TWIST2: variants seen among roughly 807,000 people sequenced by gnomAD.
TWIST2 encodes twist family bHLH transcription factor 2.
A neutral mutation model predicts 11.6 loss-of-function variants in TWIST2; 1 was observed. That is an observed-to-expected ratio of 0.09 (90% CI 0.03 to 0.41). The LOEUF is 0.41. TWIST2 is among the 10% of genes least tolerant of loss of function. TWIST2 has a pLI of 0.98. For missense variants in TWIST2, 168 were observed against 226.4 expected (o/e 0.74, Z 1.66); for synonymous variants, 87 against 96.6 (o/e 0.90, Z 0.58).
chr2:238,869,980 G>A (rs1482594157), intron 1 of TWIST2, among the ~76,000 whole-genome samples: 1 of 151,988 alleles, frequency 6.6e-6, no homozygotes, highest in African/African-American at 2.4e-5. Context: ...TGGTGAGGAT[G>A]TGGAGAAATT....
At position 238,849,154 on chromosome 2, in the gene TWIST2, C is replaced by G. The variant is rs868367264; in HGVS notation, c.*35+421C>G. ...CGTCCGCCGCAGCGCAGGCCGCCCG[C>G]GAAGCTGCCCGAGCCGGGTGTTGCC... On this transcript the variant is annotated intron_variant, in intron 1 of 1. Coordinates refer to ENST00000612363, the MANE Select transcript of TWIST2 (RefSeq NM_001271893.4). Among the ~76,000 whole-genome samples, 13 of 152,242 alleles carry G rather than the reference C, an allele frequency of 8.5e-5. No homozygotes were observed. In the Middle Eastern group the frequency reaches 0.014, roughly 159 times the overall value.
intron 1 of TWIST2, among the ~76,000 whole-genome samples, chr2:238,908,299 A>T (rs1474409778): frequency 6.8e-6 from 1 of 146,334 alleles, no homozygotes; most frequent in Non-Finnish European, 1.5e-5. Flanking sequence ...CACACACTTC[A>T]CACTGTACAT....
In TWIST2 at chr2:238,848,356, G is replaced by T; in HGVS notation, c.141G>T (p.Pro47=). ...KKSSEDGSPT[P]GKRGKKGSPS... ...CGAGCGAAGATGGCAGCCCGACCCC[G>T]GGCAAGCGCGGCAAGAAGGGCAGCC... The change falls in exon 1 of 2, where the codon CCG becomes CCT. Residue 47 remains proline, a synonymous_variant. Transcript: ENST00000612363. The T allele has an allele frequency of 2.6e-6, 4 of 1,534,628 alleles. No individual in the cohort carries two copies. The highest frequency in any genetic ancestry group is 3.5e-6 in the Non-Finnish European group (4 of 1,145,976).
chr2:238,893,368 C>T (rs1693171166), intron 1 of TWIST2, among the ~76,000 whole-genome samples: 1 of 152,148 alleles, frequency 6.6e-6, no homozygotes, highest in Non-Finnish European at 1.5e-5. Flanking sequence ...ACAGATATGG[C>T]TTATGGTCAG....
chr2:238,868,530 G>A (rs966657606), intron 1 of TWIST2, among the ~76,000 whole-genome samples: 15 of 152,280 alleles, frequency 9.9e-5, no homozygotes, highest in Admixed American at 3.9e-4. Context: ...CCCATTCCAC[G>A]TCCCTACATC....
At chr2:238,887,668 A>C (rs1057314748) in intron 1 of TWIST2, among the ~76,000 whole-genome samples, 1 of 152,176 alleles carries the variant, frequency 6.6e-6, no homozygotes, top group Non-Finnish European at 1.5e-5. Flanking sequence ...GCCTCGGTGC[A>C]GCTTCCAGGC....
Position 238,899,114 on chromosome 2 carries a change from C to T in TWIST2, c.*36-10728C>T, listed in dbSNP as rs966143661. Among the ~76,000 whole-genome samples the T allele has an allele frequency of 3.7e-4, 56 of 152,370 alleles. No homozygotes were observed. The South Asian group carries it at 4.6e-3, about 12-fold the overall frequency. The stretch of plus-strand genomic sequence containing the variant: ...TTTACAGCCCTGTCCATCATCTATC[C>T]GGTCCTGGCCTCGGCCTGCCAAGCC... On this transcript the variant is annotated intron_variant, in intron 1 of 1. Transcript: ENST00000612363.
intron 1 of TWIST2, among the ~76,000 whole-genome samples, chr2:238,860,901 G>A (rs966395297): frequency 6.6e-6 from 1 of 152,146 alleles, no homozygotes; most frequent in Non-Finnish European, 1.5e-5. Flanking sequence ...TCGCGCCACT[G>A]CCCTCCAGCC....
intron 1 of TWIST2, among the ~76,000 whole-genome samples, chr2:238,849,913 T>C (rs902078436): frequency 1.3e-5 from 2 of 152,208 alleles, no homozygotes; most frequent in Non-Finnish European, 2.9e-5. Flanking sequence ...CCCCTTAGTA[T>C]GTTTTAGTTC....
intron 1 of TWIST2, among the ~76,000 whole-genome samples, chr2:238,903,554 T>A (rs1693306324): frequency 1.4e-5 from 2 of 142,414 alleles, no homozygotes; most frequent in African/African-American, 5.4e-5. Context: ...GGTTGTGGGA[T>A]GTGTGATGTA....
chr2:238,897,265 G>A (rs1233300798), intron 1 of TWIST2, among the ~76,000 whole-genome samples: 1 of 152,136 alleles, frequency 6.6e-6, no homozygotes, highest in East Asian at 1.9e-4. Flanking sequence ...GACTAAGCGG[G>A]GATGGTAAGC....
intron 1 of TWIST2, among the ~76,000 whole-genome samples, chr2:238,856,272 T>TA (rs1243100513): frequency 1.1e-4 from 16 of 152,246 alleles, no homozygotes; most frequent in African/African-American, 3.1e-4. Context: ...AAATTATTGC[T>TA]AATTCCAAAA....
At chr2:238,906,688 G>A (rs1042517772) in intron 1 of TWIST2, among the ~76,000 whole-genome samples, 1 of 152,070 alleles carries the variant, frequency 6.6e-6, no homozygotes, top group Non-Finnish European at 1.5e-5. Flanking sequence ...CGAGCACCAC[G>A]TCACCCGTCC....
At position 238,867,411 on chromosome 2, in the gene TWIST2, A is replaced by ACACACACACACACACT. The variant is rs751874652; in HGVS notation, c.*35+18679_*35+18680insACACACACACACACTC. Among the ~76,000 whole-genome samples the ACACACACACACACACT allele has an allele frequency of 7.8e-4, 113 of 144,984 alleles. 2 individuals are homozygous for ACACACACACACACACT. Among genetic ancestry groups the ACACACACACACACACT allele is most frequent in the Non-Finnish European group, 1.3e-3 (84 of 65,688 alleles). On this transcript the variant is annotated intron_variant, in intron 1 of 1. Coordinates refer to ENST00000612363, the MANE Select transcript of TWIST2 (RefSeq NM_001271893.4). The surrounding 1 kb of genome is among the most constrained non-coding windows in gnomAD (Gnocchi z 4.8). ...CACACACACACACACACACACACACACTCCTCAGTAAAATACCCAGTTCTC... is the reference window on the plus strand; with the variant it reads ...CACACACACACACACACACACACACACACACACACACACACTCTCCTCAGTAAAATACCCAGTTCTC...
chr2:238,881,619 T>C (rs1209155125), intron 1 of TWIST2, among the ~76,000 whole-genome samples: 1 of 152,120 alleles, frequency 6.6e-6, no homozygotes, highest in Non-Finnish European at 1.5e-5. Flanking sequence ...TAGTATTTAT[T>C]AGCATTAGTG....
chr2:238,908,821 TTGTG>T (rs1237864337), intron 1 of TWIST2, among the ~76,000 whole-genome samples: 5 of 148,658 alleles, frequency 3.4e-5, no homozygotes, highest in African/African-American at 5.0e-5. Context: ...TGCGGTATGT[TTGTG>T]TGGTGTGTGG....
chr2:238,896,356 A>G (rs1219735716), intron 1 of TWIST2, among the ~76,000 whole-genome samples: 5 of 152,328 alleles, frequency 3.3e-5, no homozygotes, highest in Admixed American at 2.6e-4. Context: ...CAGGGCCACC[A>G]GGCTGCGCTG....
chr2:238,890,531 C>T (rs747756327), intron 1 of TWIST2, among the ~76,000 whole-genome samples: 2 of 152,180 alleles, frequency 1.3e-5, no homozygotes, highest in Non-Finnish European at 2.9e-5. Context: ...AATGTGTGTG[C>T]ATGTGTGGCC....
At chr2:238,881,396 TATTA>T (rs1692926281) in intron 1 of TWIST2, among the ~76,000 whole-genome samples, 1 of 151,482 alleles carries the variant, frequency 6.6e-6, no homozygotes, top group African/African-American at 2.4e-5. Context: ...AGTTACTATT[TATTA>T]GTGTCAGTGT....
Sources: allele counts gnomAD v4.1 joint callset (sites outside exome capture counted in the v4.1 genomes callset), GRCh38; gene constraint gnomAD v4.1.1; non-coding constraint Gnocchi (gnomAD v3.1); transcripts MANE v1.5; gene names NCBI Gene and HGNC (gene_info 2026-07-23, HGNC 2026-07-21).